Variants in GPR78 observed in about 807,000 individuals in gnomAD.
GPR78 encodes G protein-coupled receptor 78.
In GPR78, 29 loss-of-function variants were observed where a neutral mutation model predicts 17.9. The ratio of observed to expected loss-of-function variants is 1.62; its 90% CI spans 1.20 to 2.21. The LOEUF (loss-of-function observed/expected upper bound fraction) is 2.21. Ranked by LOEUF, GPR78 falls within the 30% of genes most tolerant of loss-of-function variation. The pLI is 0.00. For missense variants in GPR78, 649 were observed against 530.5 expected (o/e 1.22, Z -2.19); for synonymous variants, 349 against 256.9 (o/e 1.36, Z -3.43).
At chr4:8,586,533 A>G (rs529047293) in intron 2 of GPR78, among the ~76,000 whole-genome samples, 2 of 152,132 alleles carry the variant, frequency 1.3e-5, no homozygotes, top group Non-Finnish European at 1.5e-5. Context: ...GCCCAGGTTG[A>G]CACCTGTTAC....
chr4:8,585,171 G>A (rs963140017), intron 2 of GPR78, among the ~76,000 whole-genome samples: 1 of 152,196 alleles, frequency 6.6e-6, no homozygotes, highest in Non-Finnish European at 1.5e-5. Context: ...GGAGTCTGTG[G>A]TCTACTGGAG....
At chr4:8,585,978 T>A (rs778901162) in intron 2 of GPR78, among the ~76,000 whole-genome samples, 1 of 152,180 alleles carries the variant, frequency 6.6e-6, no homozygotes, top group Admixed American at 6.5e-5. Context: ...GGGACAGAAA[T>A]TCACTGCCTG....
intron 2 of GPR78, among the ~76,000 whole-genome samples, chr4:8,585,225 A>C (rs1158266159): frequency 1.3e-5 from 2 of 152,176 alleles, no homozygotes; most frequent in African/African-American, 4.8e-5. Flanking sequence ...GTTGAGCAGC[A>C]GTGGACACGT....
chr4:8,583,974 G>A (rs759561137), intron 2 of GPR78, among the ~76,000 whole-genome samples: 19 of 152,312 alleles, frequency 1.2e-4, no homozygotes, highest in Middle Eastern at 6.8e-3. Context: ...TGGGGAAACT[G>A]TAGCATCCTT....
rs773732074 is a variant in GPR78, at chr4:8,587,246, C to T, written c.975C>T (p.Ser325=). The change falls in exon 3 of 3, where the codon AGC becomes AGT. Residue 325 remains serine, a synonymous_variant. Coordinates refer to ENST00000382487, the MANE Select transcript of GPR78 (RefSeq NM_080819.5). The part of the protein sequence containing the change: ...RTPRPASTHD[S]SLDVAGMVHQ... ...CGCGCCCAGCATCCACCCATGACAG[C>T]TCTCTGGATGTGGCCGGCATGGTGC... 1 of 1,606,372 alleles carries T rather than the reference C, an allele frequency of 6.2e-7. No individual in the cohort carries two copies. Among genetic ancestry groups the T allele is most frequent in the South Asian group, 1.1e-5 (1 of 90,450 alleles).
At chr4:8,586,076 G>A (rs940629359) in intron 2 of GPR78, among the ~76,000 whole-genome samples, 15 of 152,184 alleles carry the variant, frequency 9.9e-5, no homozygotes, top group Admixed American at 5.2e-4. Flanking sequence ...GCTGCCACTG[G>A]TCAGCAAGTG....
intron 2 of GPR78, among the ~76,000 whole-genome samples, chr4:8,585,426 C>T (rs982239826): frequency 2.6e-5 from 4 of 152,320 alleles, no homozygotes; most frequent in Non-Finnish European, 4.4e-5. Context: ...CCCCTAGTGG[C>T]TGAAAGAAAT....
chr4:8,580,767 T>C lies in GPR78; in HGVS notation c.-216T>C, dbSNP rs538810250. ...CGCTGCCTCCAGGGCGGCCCCGGGC[T>C]GCTCCTGCTCCGCAGAGCTACGCCC... On this transcript the variant is annotated 5_prime_UTR_variant, in exon 1 of 3. Coordinates refer to ENST00000382487, the MANE Select transcript of GPR78 (RefSeq NM_080819.5). 1.7e-3 allele frequency: 992 copies of C among 576,070 alleles called. 8 individuals are homozygous for C. Among genetic ancestry groups the C allele is most frequent in the Non-Finnish European group, 5.0e-4 (168 of 332,822 alleles). 35.7% of individuals were successfully genotyped at this position (576,070 alleles called of 1,614,324 possible).
chr4:8,584,825 C>T (rs1447528724), intron 2 of GPR78, among the ~76,000 whole-genome samples: 2 of 152,200 alleles, frequency 1.3e-5, no homozygotes, highest in African/African-American at 4.8e-5. Flanking sequence ...TCCCTGCTGC[C>T]CCTTAAAAGG....
Position 8,581,036 on chromosome 4 carries a change from G to A in GPR78, c.54G>A (p.Val18=). 1 of 1,603,034 alleles carries A rather than the reference G, an allele frequency of 6.2e-7. No individual in the cohort carries two copies. The highest frequency in any genetic ancestry group is 8.5e-7 in the Non-Finnish European group (1 of 1,177,026). The change falls in exon 1 of 3, where the codon GTG becomes GTA. Residue 18 remains valine, a synonymous_variant. Coordinates refer to ENST00000382487, the MANE Select transcript of GPR78 (RefSeq NM_080819.5). ...GTCTCCTGGTGATGGTACTGGCCGTGGCGCTGCTATCCAACGCACTGGTGC... is the reference window on the plus strand; with the variant it reads ...GTCTCCTGGTGATGGTACTGGCCGTAGCGCTGCTATCCAACGCACTGGTGC... ...LAGLLVMVLA[V]ALLSNALVLL...
At position 8,580,979 on chromosome 4, in the gene GPR78, C is replaced by A. The variant is rs370649634; in HGVS notation, c.-4C>A. ...CCCAGGGTGCCTGGCGAGCCGCTAG[C>A]GCCATGGGCCCCGGCGAGGCGCTGC... is the stretch of plus-strand genomic sequence containing the variant. On this transcript the variant is annotated 5_prime_UTR_variant, in exon 1 of 3. Transcript: ENST00000382487. 4 of 1,568,182 alleles carry A rather than the reference C, an allele frequency of 2.6e-6. No homozygotes were observed. The highest frequency in any genetic ancestry group is 2.3e-5 in the East Asian group (1 of 43,822).
chr4:8,586,977 A>G, intron 2 of GPR78, 77 bp from the exon 3 acceptor site: 2 of 1,315,330 alleles, frequency 1.5e-6, no homozygotes, highest in Admixed American at 1.7e-5. Context: ...GTATGGTTCT[A>G]GCACCTTCCC....
chr4:8,586,857 G>A (rs1713529339), intron 2 of GPR78, among the ~76,000 whole-genome samples, 197 bp from the exon 3 acceptor site: 1 of 152,224 alleles, frequency 6.6e-6, no homozygotes, highest in South Asian at 2.1e-4. Flanking sequence ...TTGCACCGCA[G>A]TCCCAGGACT....
intron 1 of GPR78, among the ~76,000 whole-genome samples, chr4:8,582,181 G>A (rs1713320804): frequency 6.6e-6 from 1 of 152,074 alleles, no homozygotes; most frequent in African/African-American, 2.4e-5. Context: ...CACCCAAGAG[G>A]CTCTCCTGCT....
chr4:8,586,666 C>T (rs1713520789), intron 2 of GPR78, among the ~76,000 whole-genome samples: 1 of 152,214 alleles, frequency 6.6e-6, no homozygotes, highest in Non-Finnish European at 1.5e-5. Flanking sequence ...TGTTGGTCTG[C>T]AGCCTGGTAG....
At chr4:8,583,484 C>T (rs191032993) in intron 2 of GPR78, among the ~76,000 whole-genome samples, 127 of 152,250 alleles carry the variant, frequency 8.3e-4, no homozygotes, top group African/African-American at 2.6e-3. Context: ...TGAAGGAAGA[C>T]GCTCCTGGGA....
In GPR78 at chr4:8,580,662, C is replaced by A; in HGVS notation, c.-321C>A. ...ACCTCCCTCGCCCCTACGCCCCGCG[C>A]CCCTGCGCCTCGCTTCAGCCTCAGG... On this transcript the variant is annotated 5_prime_UTR_variant, in exon 1 of 3. Transcript: ENST00000382487. The A allele has an allele frequency of 2.3e-6, 1 of 439,276 alleles. No homozygotes were observed. The highest frequency in any genetic ancestry group is 4.0e-6 in the Non-Finnish European group (1 of 250,326). The allele number at this position is 439,276 out of a possible 1,614,324, so 27.2% of individuals were successfully genotyped here.
At chr4:8,586,491 G>C (rs4696852) in intron 2 of GPR78, among the ~76,000 whole-genome samples, 1 of 152,034 alleles carries the variant, frequency 6.6e-6, no homozygotes, top group Non-Finnish European at 1.5e-5. Flanking sequence ...ATGTGGGTGA[G>C]GTGGTCACAC....
Position 8,581,607 on chromosome 4 carries a change from G to C in GPR78, c.625G>C (p.Val209Leu), listed in dbSNP as rs766868508. The C allele has an allele frequency of 8.4e-6, 13 of 1,540,676 alleles. No homozygotes were observed. The highest frequency in any genetic ancestry group is 1.0e-5 in the Non-Finnish European group (12 of 1,150,248). ...ARRHCQRMDT[V>L]TMKALALLAD... ...CAGACACTGCCAGCGCATGGACACC[G>C]TCACCATGAAGGCGCTCGCGCTGCT... is the stretch of plus-strand genomic sequence containing the variant. Residue 209 changes from valine (V) to leucine (L), a missense_variant, in exon 1 of 3, where the codon GTC becomes CTC. Val to Leu is a conservative substitution (Grantham distance 32). Coordinates refer to ENST00000382487, the MANE Select transcript of GPR78 (RefSeq NM_080819.5).
Sources: gnomAD v4.1 joint callset for allele counts (sites outside exome capture counted in the v4.1 genomes callset) on GRCh38, gnomAD v4.1.1 for gene constraint, MANE v1.5 for transcripts, NCBI Gene and HGNC (gene_info 2026-07-23, HGNC 2026-07-21) for gene names.